The following TASOR variants were observed in gnomAD, a reference collection of about 807,000 sequenced individuals.
TASOR encodes transcription activation suppressor.
Under a neutral mutation model 178.6 loss-of-function variants are expected in TASOR, and 53 were observed. The observed-to-expected ratio is 0.30, with a 90% confidence interval of 0.24 to 0.37. The LOEUF (loss-of-function observed/expected upper bound fraction) is 0.37. Among genes scored for constraint, TASOR ranks in the 10% least tolerant of loss-of-function variants. The probability of loss-of-function intolerance (pLI) is 1.00; values close to 1 mark genes in which losing one functional copy is unlikely to be tolerated. For synonymous variants in TASOR, 713 were observed against 696.2 expected (o/e 1.02, Z -0.38); for missense variants, 1,815 against 1,971.4 (o/e 0.92, Z 1.50).
chr3:56,620,668 A>G lies in TASOR; in HGVS notation c.*2369T>C, dbSNP rs567547121. 2.0e-5 allele frequency: 3 copies of G among 152,304 alleles called. No individual in the cohort carries two copies. The highest frequency in any genetic ancestry group is 7.2e-5 in the African/African-American group (3 of 41,580). 9.4% of individuals were successfully genotyped at this position (152,304 alleles called of 1,614,324 possible). ...CATTTGAAGACAAACAGGGTTACTAAGAGTTTTACATAAGTTATTTCTTTA... is the reference window on the plus strand; with the variant it reads ...CATTTGAAGACAAACAGGGTTACTAGGAGTTTTACATAAGTTATTTCTTTA... On this transcript the variant is annotated 3_prime_UTR_variant, in exon 24 of 24. Transcript: ENST00000683822.
intron 1 of TASOR, among the ~76,000 whole-genome samples, chr3:56,682,085 A>T (rs2031845869): frequency 1.3e-5 from 2 of 152,254 alleles, no homozygotes; most frequent in Admixed American, 1.3e-4. Context: ...AACGCTTCAA[A>T]AACAAGGGGG....
In TASOR at chr3:56,630,841, G is replaced by A. The variant is rs532524944; in HGVS notation, c.3747+2203C>T. ...CCCTGGGCAACAAGAGCAAAACTCC[G>A]TCTCAATAAATAAATAAATTTTTTA... On this transcript the variant is annotated intron_variant, in intron 18 of 23. Coordinates refer to ENST00000683822, the MANE Select transcript of TASOR (RefSeq NM_001365635.2). 3.0e-3 allele frequency among the ~76,000 whole-genome samples: 424 copies of A among 142,456 alleles called. 2 individuals carry two copies. The highest frequency in any genetic ancestry group is 4.4e-3 in the Non-Finnish European group (296 of 66,840). 93.5% of individuals were successfully genotyped at this position (142,456 alleles called of 152,430 possible).
At position 56,633,242 on chromosome 3, in the gene TASOR, G is replaced by A. The variant is rs115482066; in HGVS notation, c.3549C>T (p.Ala1183=). ...TSDHIVPGDM[A]REPVEETTKS... ...TTGTTGTTTCTTCTACTGGTTCCCG[G>A]GCCATATCACCAGGTACAATATGAT... Residue 1183 remains alanine (A), a synonymous_variant, in exon 18 of 24, where the codon GCC becomes GCT. Transcript: ENST00000683822. The A allele has an allele frequency of 1.4e-5, 22 of 1,614,036 alleles. No homozygotes were observed. In the African/African-American group the frequency reaches 2.8e-4, roughly 21 times the overall value.
rs1174835093 is a variant in TASOR, at chr3:56,641,677, C to A, written c.2291G>T (p.Gly764Val). 25 of 1,614,198 alleles carry A rather than the reference C, an allele frequency of 1.5e-5. No homozygotes were observed. The highest frequency in any genetic ancestry group is 2.1e-5 in the Non-Finnish European group (25 of 1,180,034). Reference protein sequence around the residue: ...RRQQQDTCNSGIADIHRLFNW... With the variant: ...RRQQQDTCNSVIADIHRLFNW... ...AAACAGCCTATGGATGTCAGCAATG[C>A]CGGAGTTACAGGTATCCTGCTGCTG... The change falls in exon 15 of 24, where the codon GGC (glycine) becomes GTC (valine). Residue 764 changes from glycine (G) to valine (V), a missense_variant. This residue lies in a region of TASOR where 655 missense variants were observed against 671.1 expected (regional missense o/e 0.98). Coordinates refer to ENST00000683822, the MANE Select transcript of TASOR (RefSeq NM_001365635.2).
rs78665850 is a variant in TASOR, at chr3:56,639,720, G to C, written c.2764+266C>G. 1.0e-3 allele frequency among the ~76,000 whole-genome samples: 153 copies of C among 152,234 alleles called. 1 individual carries two copies. The East Asian group carries it at 0.027, about 27-fold the overall frequency. ...TTCTGCCAACAGTCTTCATTCAGCAGTCTGCATGCTAAACTCCATAGAGAC... is the reference window on the plus strand; with the variant it reads ...TTCTGCCAACAGTCTTCATTCAGCACTCTGCATGCTAAACTCCATAGAGAC... On this transcript the variant is annotated intron_variant, in intron 16 of 23. Transcript: ENST00000683822.
At chr3:56,661,234 C>A (rs1224937189) in intron 9 of TASOR, among the ~76,000 whole-genome samples, 1 of 152,158 alleles carries the variant, frequency 6.6e-6, no homozygotes, top group Non-Finnish European at 1.5e-5. Context: ...GCAGCTTCAA[C>A]CTCCTAGGAT....
chr3:56,649,189 T>A, intron 11 of TASOR, 132 bp from the exon 12 acceptor site: 1 of 534,820 alleles, frequency 1.9e-6, no homozygotes, highest in Non-Finnish European at 3.2e-6. Flanking sequence ...ATATTGCTAA[T>A]GAATTAGTTA....
chr3:56,623,021 A>G lies in TASOR; in HGVS notation c.*16T>C. ...ACAAAGTCCACAACAATCTCTTAAA[A>G]AAAAAGTTACTACAGTTATTTCTCT... is the stretch of plus-strand genomic sequence containing the variant. On this transcript the variant is annotated 3_prime_UTR_variant, in exon 24 of 24. Coordinates refer to ENST00000683822, the MANE Select transcript of TASOR (RefSeq NM_001365635.2). 1.4e-6 allele frequency: 2 copies of G among 1,479,340 alleles called. No homozygotes were observed. The highest frequency in any genetic ancestry group is 1.8e-6 in the Non-Finnish European group (2 of 1,111,940). 91.6% of individuals were successfully genotyped at this position (1,479,340 alleles called of 1,614,324 possible). A position where few individuals can be genotyped will look rare whatever the true frequency, so the allele number is the denominator to read the frequency against.
Position 56,670,134 on chromosome 3 carries a change from T to C in TASOR, c.582A>G (p.Ile194Met). The change falls in exon 4 of 24, where the codon ATA becomes ATG. Residue 194 changes from isoleucine to methionine, a missense_variant. Physicochemically the swap from Ile to Met is conservative, Grantham distance 10. Transcript: ENST00000683822. Reference protein sequence around the residue: ...LMVDRYQVQTICEKGLHVGQS... With the variant: ...LMVDRYQVQTMCEKGLHVGQS... ...GACCCACATGTAATCCTTTTTCACA[T>C]ATGGTTTGAACCTAAATTTAAAAAA... 1 of 1,535,706 alleles carries C rather than the reference T, an allele frequency of 6.5e-7. No homozygotes were observed.
In TASOR at chr3:56,683,090, G is replaced by A; in HGVS notation, c.-84C>T. 1 of 1,385,280 alleles carries A rather than the reference G, an allele frequency of 7.2e-7. No individual in the cohort carries two copies. Among genetic ancestry groups the A allele is most frequent in the Non-Finnish European group, 9.5e-7 (1 of 1,048,398 alleles). The allele number at this position is 1,385,280 out of a possible 1,614,324, so 85.8% of individuals were successfully genotyped here. ...GAAGGGGCGGCGGGCCAGTCTCGCCGCCGAGCTGCTCTCAGCCCACCCACC... is the reference window on the plus strand; with the variant it reads ...GAAGGGGCGGCGGGCCAGTCTCGCCACCGAGCTGCTCTCAGCCCACCCACC... On this transcript the variant is annotated 5_prime_UTR_variant, in exon 1 of 24. Coordinates refer to ENST00000683822, the MANE Select transcript of TASOR (RefSeq NM_001365635.2).
In TASOR at chr3:56,623,294, A is replaced by T; in HGVS notation, c.4756T>A (p.Ser1586Thr). The T allele has an allele frequency of 1.2e-6, 2 of 1,613,578 alleles. No individual in the cohort carries two copies. The highest frequency in any genetic ancestry group is 4.5e-5 in the East Asian group (2 of 44,848). ...TTACTATATGAATCTTGTTCTGTTG[A>T]ATTGCTGTTCTCTCCTTCAGAGCAT... ...IVCSEGENSN[S>T]TEQDSYSNFQ... Residue 1586 changes from serine (S) to threonine (T), a missense_variant, in exon 24 of 24, where the codon TCA becomes ACA. Ser to Thr is a moderately conservative substitution (Grantham distance 58). Transcript: ENST00000683822.
chr3:56,662,079 G>C (rs2077609053), intron 9 of TASOR, among the ~76,000 whole-genome samples: 1 of 150,350 alleles, frequency 6.7e-6, no homozygotes, highest in Non-Finnish European at 1.5e-5. Flanking sequence ...GCAGCGAGCC[G>C]AGATTGCACC....
chr3:56,623,004 C>A lies in TASOR; in HGVS notation c.*33G>T. 7.4e-7 allele frequency: 1 copy of A among 1,355,660 alleles called. No individual in the cohort carries two copies. The highest frequency in any genetic ancestry group is 9.9e-7 in the Non-Finnish European group (1 of 1,006,790). 84.0% of individuals were successfully genotyped at this position (1,355,660 alleles called of 1,614,324 possible). A position where few individuals can be genotyped will look rare whatever the true frequency, so the allele number is the denominator to read the frequency against. ...ATATAAATTGTTAATAAACAAAGTCCACAACAATCTCTTAAAAAAAAAGTT... is the reference window on the plus strand; with the variant it reads ...ATATAAATTGTTAATAAACAAAGTCAACAACAATCTCTTAAAAAAAAAGTT... On this transcript the variant is annotated 3_prime_UTR_variant, in exon 24 of 24. Coordinates refer to ENST00000683822, the MANE Select transcript of TASOR (RefSeq NM_001365635.2).
At position 56,646,818 on chromosome 3, in the gene TASOR, C is replaced by T; in HGVS notation, c.1919G>A (p.Gly640Asp). The change falls in exon 14 of 24, where the codon GGT becomes GAT. Residue 640 changes from glycine (G) to aspartate (D), a missense_variant. Physicochemically the swap from Gly to Asp is moderately conservative, Grantham distance 94. Around this residue, in one of 5 missense-constraint regions of TASOR, gnomAD observed 504 missense variants for 645.3 expected, o/e 0.78. Coordinates refer to ENST00000683822, the MANE Select transcript of TASOR (RefSeq NM_001365635.2). ...QQFSPLSDYE[G>D]QEEEMNGTKM... ...TGTACCATTCATTTCTTCTTCTTGA[C>T]CTTCATAATCTGAAAGTGGACTAAA... 1 of 1,611,626 alleles carries T rather than the reference C, an allele frequency of 6.2e-7. No homozygotes were observed. Among genetic ancestry groups the T allele is most frequent in the Middle Eastern group, 1.7e-4 (1 of 6,056 alleles).
intron 17 of TASOR, 101 bp downstream of exon 17, chr3:56,638,605 A>G (rs1455038153): frequency 3.3e-6 from 4 of 1,218,370 alleles, no homozygotes; most frequent in East Asian, 4.7e-5. Flanking sequence ...TCTGTAATTA[A>G]AAAAATTTAA....
At chr3:56,679,161 A>G (rs2031581826) in intron 1 of TASOR, among the ~76,000 whole-genome samples, 1 of 152,262 alleles carries the variant, frequency 6.6e-6, no homozygotes, top group Non-Finnish European at 1.5e-5. Flanking sequence ...GCTGACGCCT[A>G]TTAATGATTA....
intron 1 of TASOR, among the ~76,000 whole-genome samples, chr3:56,675,480 A>G (rs1029188908): frequency 2.0e-5 from 3 of 152,158 alleles, no homozygotes; most frequent in African/African-American, 7.2e-5. Context: ...CCCGGTCCCC[A>G]CTTAATTTTT....
chr3:56,660,598 C>A, intron 11 of TASOR, 133 bp downstream of exon 11: 1 of 596,352 alleles, frequency 1.7e-6, no homozygotes, highest in Admixed American at 3.0e-5. Context: ...ACACTGTTAA[C>A]TAAACAGCAG....
chr3:56,633,317 T>G lies in TASOR; in HGVS notation c.3474A>C (p.Glu1158Asp). 1.2e-6 allele frequency: 2 copies of G among 1,614,176 alleles called. No individual in the cohort carries two copies. The highest frequency in any genetic ancestry group is 2.2e-5 in the South Asian group (2 of 91,082). ...CATGTTGAGGCTGGTTCATTTCTAC[T>G]TCAGTTAAAGCCGAAGTGGAATGCT... ...DEQHSTSALT[E>D]VEMNQPQHAT... Residue 1158 changes from glutamate (E) to aspartate (D), a missense_variant, in exon 18 of 24, where the codon GAA becomes GAC. Physicochemically the swap from Glu to Asp is conservative, Grantham distance 45 (BLOSUM62 2). This residue lies in a region of TASOR where 655 missense variants were observed against 671.1 expected (regional missense o/e 0.98). Coordinates refer to ENST00000683822, the MANE Select transcript of TASOR (RefSeq NM_001365635.2).
Sources: gnomAD v4.1 joint callset for allele counts (sites outside exome capture counted in the v4.1 genomes callset) on GRCh38, gnomAD v4.1.1 for gene constraint, gnomAD v4.1.1 regional missense constraint, MANE v1.5 for transcripts, NCBI Gene and HGNC (gene_info 2026-07-23, HGNC 2026-07-21) for gene names.